The following ZNF844 variants were observed in gnomAD, a reference collection of about 807,000 sequenced individuals.
ZNF844 encodes zinc finger protein 844.
Under a neutral mutation model 11.4 loss-of-function variants are expected in ZNF844, and 11 were observed. That is an observed-to-expected ratio of 0.97 (90% confidence interval 0.61 to 1.60). The LOEUF (loss-of-function observed/expected upper bound fraction) is 1.60. Ranked by LOEUF, ZNF844 falls within the 40% of genes most tolerant of loss-of-function variation. ZNF844 has a pLI of 0.00. For synonymous variants in ZNF844, 248 were observed against 260.3 expected, an observed-to-expected ratio of 0.95 and a Z score of 0.46; for missense variants, 790 against 796.8, an observed-to-expected ratio of 0.99 and a Z score of 0.10.
Position 12,076,871 on chromosome 19 carries a change from T to C in ZNF844, c.1751T>C (p.Met584Thr). ...KYMQQCTEDR[M>T]PMNVKSVTKH... Reference sequence around the variant, plus strand: ...ATGCAACAATGCACAGAGGACAGAATGCCTATGAATGTAAAGAGTGTGACA... The same window carrying C: ...ATGCAACAATGCACAGAGGACAGAACGCCTATGAATGTAAAGAGTGTGACA... Residue 584 changes from methionine to threonine, a missense_variant, in exon 4 of 4, where the codon ATG (methionine) becomes ACG (threonine). Around this residue, in one of 3 missense-constraint regions of ZNF844, gnomAD observed 657 missense variants for 636.2 expected, o/e 1.03. Coordinates refer to ENST00000439326, the MANE Select transcript of ZNF844 (RefSeq NM_001136501.3). 6.4e-7 allele frequency: 1 copy of C among 1,566,308 alleles called. No homozygotes were observed. Among genetic ancestry groups the C allele is most frequent in the South Asian group, 1.2e-5 (1 of 85,880 alleles).
Position 12,076,731 on chromosome 19 carries a change from G to A in ZNF844, c.1611G>A (p.Val537=), listed in dbSNP as rs73923376. ...LESNCMNLNN[V]KKPLDLSETF... ...GCAACTGTATGAATCTAAACAATGTGAAAAAACCTTTGGATCTGTCAGAAA... is the reference window on the plus strand; with the variant it reads ...GCAACTGTATGAATCTAAACAATGTAAAAAAACCTTTGGATCTGTCAGAAA... The change falls in exon 4 of 4, where the codon GTG becomes GTA. Residue 537 remains valine, a synonymous_variant. Coordinates refer to ENST00000439326, the MANE Select transcript of ZNF844 (RefSeq NM_001136501.3). The A allele has an allele frequency of 1.6e-3, 2,516 of 1,610,090 alleles. 44 individuals carry two copies. In the African/African-American group the frequency reaches 0.03, roughly 19 times the overall value.
At chr19:12,072,259 T>A (rs907198505) in intron 1 of ZNF844, among the ~76,000 whole-genome samples, 1 of 152,202 alleles carries the variant, frequency 6.6e-6, no homozygotes, top group Admixed American at 6.5e-5. Context: ...TATCCCATTG[T>A]AAGTACATGC....
At chr19:12,072,170 G>A (rs1318421755) in intron 1 of ZNF844, among the ~76,000 whole-genome samples, 1 of 152,172 alleles carries the variant, frequency 6.6e-6, no homozygotes, top group African/African-American at 2.4e-5. Context: ...ACGGGCATGA[G>A]CCACTGCATC....
rs1411624933 is a variant in ZNF844 at position 12,075,692 on chromosome 19, A to G, written c.572A>G (p.His191Arg). 1.2e-6 allele frequency: 2 copies of G among 1,613,760 alleles called. No homozygotes were observed. The highest frequency in any genetic ancestry group is 2.2e-5 in the South Asian group (2 of 90,944). ...HSSIQRHMIMHNGDGTYKCKF... is the reference protein window; with the variant it reads ...HSSIQRHMIMRNGDGTYKCKF... ...AGCATTCAAAGACACATGATAATGC[A>G]CAATGGAGATGGAACTTATAAATGT... is the stretch of plus-strand genomic sequence containing the variant. Residue 191 changes from histidine to arginine, a missense_variant, in exon 4 of 4, where the codon CAC (histidine) becomes CGC (arginine). Physicochemically the swap from His to Arg is conservative, Grantham distance 29. Around this residue, in one of 3 missense-constraint regions of ZNF844, gnomAD observed 657 missense variants for 636.2 expected, o/e 1.03. Transcript: ENST00000439326.
chr19:12,070,347 C>G (rs1357874861), intron 1 of ZNF844: 2 of 152,132 alleles, frequency 1.3e-5, no homozygotes, highest in African/African-American at 4.8e-5. Context: ...AATATCTGGT[C>G]CATCTTCTTC....
In ZNF844 at chr19:12,069,846, T is replaced by C. The variant is rs565778628; in HGVS notation, c.4-4185T>C. ...GGCACGTGCCTGTAGTCCCAGCTAC[T>C]CAGGAGGCTGAGGTAGGAGAATCGC... is the stretch of plus-strand genomic sequence containing the variant. On this transcript the variant is annotated intron_variant, in intron 1 of 3. Transcript: ENST00000439326. Among the ~76,000 whole-genome samples, 6 of 150,856 alleles carry C rather than the reference T, an allele frequency of 4.0e-5. No individual in the cohort carries two copies. In the South Asian group the frequency reaches 8.4e-4, roughly 21 times the overall value.
intron 1 of ZNF844, chr19:12,070,117 AC>A (rs1975738596): frequency 1.3e-5 from 2 of 148,682 alleles, no homozygotes; most frequent in African/African-American, 5.0e-5. Context: ...AAAAAAAAAG[AC>A]AAAAATAAAA....
chr19:12,076,510 A>C lies in ZNF844; in HGVS notation c.1390A>C (p.Lys464Gln). Residue 464 changes from lysine to glutamine, a missense_variant, in exon 4 of 4, where the codon AAA (lysine) becomes CAA (glutamine). This residue lies in a region of ZNF844 where 657 missense variants were observed against 636.2 expected (regional missense o/e 1.03). Coordinates refer to ENST00000439326, the MANE Select transcript of ZNF844 (RefSeq NM_001136501.3). ...GKPSDLPHTFKCMEGLTLKRN... is the reference protein window; with the variant it reads ...GKPSDLPHTFQCMEGLTLKRN... ...GCCTTCAGATCTGCCTCACACCTTC[A>C]AATGCATGGAAGGACTCACACTCAA... The C allele has an allele frequency of 6.2e-7, 1 of 1,610,856 alleles. No homozygotes were observed. The highest frequency in any genetic ancestry group is 2.2e-5 in the East Asian group (1 of 44,732).
intron 1 of ZNF844, 55 bp from the exon 2 acceptor site, chr19:12,073,976 A>T: frequency 1.9e-6 from 3 of 1,574,928 alleles, no homozygotes; most frequent in Non-Finnish European, 2.6e-6. Flanking sequence ...GAGGGTATAG[A>T]CCCCCAGTGC....
At position 12,064,750 on chromosome 19, in the gene ZNF844, C is replaced by T. The variant is rs555857170; in HGVS notation, c.-124C>T. 1 of 1,024,734 alleles carries T rather than the reference C, an allele frequency of 9.8e-7. No individual in the cohort carries two copies. The highest frequency in any genetic ancestry group is 1.4e-6 in the Non-Finnish European group (1 of 705,258). 63.5% of individuals were successfully genotyped at this position (1,024,734 alleles called of 1,614,324 possible). On this transcript the variant is annotated 5_prime_UTR_variant, in exon 1 of 4. Coordinates refer to ENST00000439326, the MANE Select transcript of ZNF844 (RefSeq NM_001136501.3). The stretch of plus-strand genomic sequence containing the variant: ...CGCCTCAGTCTTTGGCCCCTCCCGC[C>T]GGGTGAGGTTGGCACCCCGTTTTTC...
At position 12,076,380 on chromosome 19, in the gene ZNF844, G is replaced by C. The variant is rs1975818183; in HGVS notation, c.1260G>C (p.Met420Ile). 1 of 1,610,040 alleles carries C rather than the reference G, an allele frequency of 6.2e-7. No individual in the cohort carries two copies. The highest frequency in any genetic ancestry group is 1.1e-5 in the South Asian group (1 of 90,840). Reference protein sequence around the residue: ...MKGLTLERNPMNVSSVVKPSF... With the variant: ...MKGLTLERNPINVSSVVKPSF... ...GACTCACACTGGAGAGAAACCCTAT[G>C]AATGTAAGCAGTGTAGTAAAGCCTT... The change falls in exon 4 of 4, where the codon ATG becomes ATC. Residue 420 changes from methionine to isoleucine, a missense_variant. By Grantham distance (10) the Met-to-Ile change is conservative (BLOSUM62 1). Coordinates refer to ENST00000439326, the MANE Select transcript of ZNF844 (RefSeq NM_001136501.3).
intron 1 of ZNF844, among the ~76,000 whole-genome samples, chr19:12,071,039 G>A (rs1975747919): frequency 1.3e-5 from 2 of 152,088 alleles, no homozygotes; most frequent in African/African-American, 2.4e-5. Context: ...AGTGGGCTCC[G>A]AGGAGCCTCA....
At position 12,075,912 on chromosome 19, in the gene ZNF844, T is replaced by C; in HGVS notation, c.792T>C (p.Ser264=). ...AGGAATGTGGGAAAGCATTCGGTAG[T>C]CCCAATTCCCTTTATGAACATAGAA... The part of the protein sequence containing the change: ...ECKECGKAFG[S]PNSLYEHRRT... The change falls in exon 4 of 4, where the codon AGT becomes AGC. Residue 264 remains serine (S), a synonymous_variant. Transcript: ENST00000439326. 6.2e-7 allele frequency: 1 copy of C among 1,604,152 alleles called. No homozygotes were observed. Among genetic ancestry groups the C allele is most frequent in the South Asian group, 1.1e-5 (1 of 90,154 alleles).
chr19:12,066,801 C>T (rs1479394597), intron 1 of ZNF844, among the ~76,000 whole-genome samples: 2 of 151,950 alleles, frequency 1.3e-5, no homozygotes, highest in Non-Finnish European at 2.9e-5. Flanking sequence ...CCACCTCGGC[C>T]TCCCAAAGTG....
Position 12,075,716 on chromosome 19 carries a change from G to T in ZNF844, c.596G>T (p.Cys199Phe), listed in dbSNP as rs752950448. 7.2e-5 allele frequency: 116 copies of T among 1,613,764 alleles called. No individual in the cohort carries two copies. The highest frequency in any genetic ancestry group is 9.2e-5 in the Non-Finnish European group (108 of 1,179,956). The change falls in exon 4 of 4, where the codon TGT becomes TTT. Residue 199 changes from cysteine to phenylalanine, a missense_variant. Physicochemically the swap from Cys to Phe is radical, Grantham distance 205. Coordinates refer to ENST00000439326, the MANE Select transcript of ZNF844 (RefSeq NM_001136501.3). Reference protein sequence around the residue: ...IMHNGDGTYKCKFCGKACPCL... With the variant: ...IMHNGDGTYKFKFCGKACPCL... ...CACAATGGAGATGGAACTTATAAAT[G>T]TAAGTTTTGTGGGAAAGCCTGCCCT...
intron 1 of ZNF844, among the ~76,000 whole-genome samples, chr19:12,069,074 C>A (rs948228993): frequency 6.6e-6 from 1 of 151,984 alleles, no homozygotes; most frequent in Admixed American, 6.6e-5. Flanking sequence ...AGCGGGTCAG[C>A]GATGCCTTTC....
chr19:12,074,298 A>C, intron 2 of ZNF844, 63 bp from the exon 3 acceptor site: 1 of 1,491,452 alleles, frequency 6.7e-7, no homozygotes, highest in South Asian at 1.2e-5. Flanking sequence ...TGAACATAGA[A>C]TCTAATCATT....
At chr19:12,066,501 TATC>T (rs1394969406) in intron 1 of ZNF844, among the ~76,000 whole-genome samples, 2 of 151,484 alleles carry the variant, frequency 1.3e-5, no homozygotes, top group African/African-American at 4.9e-5. Context: ...GAAGAGCTAT[TATC>T]ATTTAAACTA....
chr19:12,068,909 G>A (rs903903560), intron 1 of ZNF844, among the ~76,000 whole-genome samples: 2 of 152,080 alleles, frequency 1.3e-5, no homozygotes, highest in African/African-American at 4.8e-5. Flanking sequence ...CTGCAAAGAG[G>A]TCATTGAAGG....
Sources: gnomAD v4.1 joint callset for allele counts (sites outside exome capture counted in the v4.1 genomes callset) on GRCh38, gnomAD v4.1.1 for gene constraint, gnomAD v4.1.1 regional missense constraint, MANE v1.5 for transcripts, NCBI Gene and HGNC (gene_info 2026-07-23, HGNC 2026-07-21) for gene names.